Variants in CFAP47 observed in about 807,000 individuals in gnomAD.
The protein encoded by CFAP47 is cilia- and flagella-associated protein 47.
A neutral mutation model predicts 148.1 loss-of-function variants in CFAP47; 29 were observed. That is an observed-to-expected ratio of 0.20 (90% CI 0.15 to 0.27). The LOEUF is 0.27. CFAP47 is among the 10% of genes least tolerant of loss of function. CFAP47 has a pLI of 1.00. For synonymous variants in CFAP47, 664 were observed against 577.3 expected (o/e 1.15, Z -2.15); for missense variants, 1,872 against 1,697.5 (o/e 1.10, Z -1.81).
At chrX:36,244,347 AC>A (rs2146916765) in intron 48 of CFAP47, among the ~76,000 whole-genome samples, 1 of 111,062 alleles carries the variant, frequency 9.0e-6, no homozygotes, top group Admixed American at 9.7e-5. Flanking sequence ...TAACAGACCA[AC>A]CCCAAAGCTA....
At chrX:36,328,429 A>G (rs1268064391) in intron 57 of CFAP47, among the ~76,000 whole-genome samples, 2 of 112,385 alleles carry the variant, frequency 1.8e-5, no homozygotes, top group Non-Finnish European at 3.8e-5. Flanking sequence ...ATGTCCCAAT[A>G]TGCTTTTTTG....
At chrX:36,061,176 G>A (rs772275260) in intron 26 of CFAP47, among the ~76,000 whole-genome samples, 2 of 110,823 alleles carry the variant, frequency 1.8e-5, no homozygotes, top group Admixed American at 9.7e-5. Flanking sequence ...CTCCTTCTCC[G>A]GCCGTGTAAG....
intron 37 of CFAP47, 150 bp from the exon 38 acceptor site, chrX:36,159,276 A>G: frequency 1.1e-5 from 3 of 284,536 alleles, no homozygotes; most frequent in Non-Finnish European, 1.9e-5. Flanking sequence ...ACCGATGACA[A>G]TAACTAGATT....
intron 53 of CFAP47, among the ~76,000 whole-genome samples, chrX:36,303,326 A>G (rs1183786988): frequency 9.0e-6 from 1 of 111,327 alleles, no homozygotes; most frequent in Non-Finnish European, 1.9e-5. Context: ...ATGTAGGACT[A>G]CAGGCAAGCT....
intron 46 of CFAP47, among the ~76,000 whole-genome samples, chrX:36,231,649 G>A (rs1940362180): frequency 9.0e-6 from 1 of 111,004 alleles, no homozygotes; most frequent in Admixed American, 9.6e-5. Flanking sequence ...CCATCACTAT[G>A]TTGAATAGGA....
At position 35,975,329 on chromosome X, in the gene CFAP47, G is replaced by C. The variant is rs748832987; in HGVS notation, c.2437G>C (p.Val813Leu). ...TACATCCAGTACTTATATTTCAATGGTATTTGACTCTCCCACCATTGGAAA... is the reference window on the plus strand; with the variant it reads ...TACATCCAGTACTTATATTTCAATGCTATTTGACTCTCCCACCATTGGAAA... ...LPTSSTYISMVFDSPTIGKFW... is the reference protein window; with the variant it reads ...LPTSSTYISMLFDSPTIGKFW... The change falls in exon 14 of 64, where the codon GTA (valine) becomes CTA (leucine). Residue 813 changes from valine to leucine, a missense_variant. Physicochemically the swap from Val to Leu is conservative, Grantham distance 32. Coordinates refer to ENST00000378653, the MANE Select transcript of CFAP47 (RefSeq NM_001304548.2). 1.7e-6 allele frequency: 2 copies of C among 1,196,020 alleles called. No homozygotes were observed. The highest frequency in any genetic ancestry group is 1.8e-5 in the African/African-American group (1 of 56,489).
intron 33 of CFAP47, 105 bp from the exon 34 acceptor site, chrX:36,137,853 C>T: frequency 2.7e-6 from 1 of 367,876 alleles, no homozygotes; most frequent in Non-Finnish European, 4.7e-6. Context: ...TTTTTGTTTC[C>T]CAAGCAGAAG....
At chrX:35,924,534 T>C (rs1216045322) in intron 1 of CFAP47, among the ~76,000 whole-genome samples, 1 of 105,096 alleles carries the variant, frequency 9.5e-6, no homozygotes, top group Non-Finnish European at 2.0e-5. Flanking sequence ...TATGCACATA[T>C]ATGTGCACCT....
At chrX:36,202,282 C>T (rs915679812) in intron 44 of CFAP47, among the ~76,000 whole-genome samples, 1 of 111,427 alleles carries the variant, frequency 9.0e-6, no homozygotes, top group African/African-American at 3.3e-5. Flanking sequence ...TAAACGCAAG[C>T]CTGCTCATGT....
At chrX:36,201,722 C>T (rs1351923354) in intron 44 of CFAP47, among the ~76,000 whole-genome samples, 2 of 111,618 alleles carry the variant, frequency 1.8e-5, no homozygotes, top group African/African-American at 6.5e-5. Context: ...TAAGGCATTA[C>T]AGTGTAGTCA....
rs782750722 is a variant in CFAP47, at chrX:36,273,382, T to A, written c.7445-7105T>A. ...AAAACTTGTGCTATTAAAAACATAATGGGTTTAATTGCTATTCCTATTAGA... is the reference window on the plus strand; with the variant it reads ...AAAACTTGTGCTATTAAAAACATAAAGGGTTTAATTGCTATTCCTATTAGA... On this transcript the variant is annotated intron_variant, in intron 49 of 63. Transcript: ENST00000378653. Among the ~76,000 whole-genome samples, 17 of 111,701 alleles carry A rather than the reference T, an allele frequency of 1.5e-4. No individual in the cohort carries two copies. The East Asian group carries it at 4.5e-3, about 30-fold the overall frequency.
At chrX:36,300,332 C>T (rs1569312281) in intron 52 of CFAP47, among the ~76,000 whole-genome samples, 1 of 108,701 alleles carries the variant, frequency 9.2e-6, no homozygotes, top group African/African-American at 3.4e-5. Flanking sequence ...CTCTGTCACC[C>T]ACGCTAGAGT....
intron 63 of CFAP47, among the ~76,000 whole-genome samples, chrX:36,381,444 A>C (rs1942077077): frequency 8.9e-6 from 1 of 112,338 alleles, no homozygotes; most frequent in Admixed American, 9.5e-5. Flanking sequence ...CAACTATATT[A>C]TCTTCATTTT....
chrX:36,067,815 A>C (rs1478208582), intron 27 of CFAP47, among the ~76,000 whole-genome samples: 1 of 109,127 alleles, frequency 9.2e-6, no homozygotes, highest in Non-Finnish European at 1.9e-5. Context: ...GGTGCCCGCC[A>C]CCATGGCCGG....
intron 46 of CFAP47, among the ~76,000 whole-genome samples, chrX:36,231,983 G>A (rs1338437081): frequency 1.7e-4 from 19 of 111,273 alleles, no homozygotes; most frequent in South Asian, 7.7e-4. Flanking sequence ...ATGGTGGATA[G>A]GCTTTTTGAT....
chrX:35,924,334 T>C lies in CFAP47; in HGVS notation c.250-1683T>C, dbSNP rs187945436. Among the ~76,000 whole-genome samples the C allele has an allele frequency of 6.6e-5, 7 of 106,726 alleles. No individual in the cohort carries two copies. The East Asian group carries it at 2.1e-3, about 31-fold the overall frequency. The allele number at this position is 106,726 out of a possible 115,157, so 92.7% of individuals were successfully genotyped here. A position where few individuals can be genotyped will look rare whatever the true frequency, so the allele number is the denominator to read the frequency against. The stretch of plus-strand genomic sequence containing the variant: ...ATATGTACATGTATGTGTATATGTG[T>C]ACATATATGTGTGCATATGTGTATA... On this transcript the variant is annotated intron_variant, in intron 1 of 63. Transcript: ENST00000378653.
intron 50 of CFAP47, among the ~76,000 whole-genome samples, chrX:36,283,127 C>T (rs1337171854): frequency 9.0e-6 from 1 of 110,949 alleles, no homozygotes; most frequent in Non-Finnish European, 1.9e-5. Context: ...GAATTTTGTA[C>T]AAATATATTA....
At chrX:36,378,467 C>A (rs782118440) in intron 62 of CFAP47, among the ~76,000 whole-genome samples, 1 of 112,417 alleles carries the variant, frequency 8.9e-6, no homozygotes, top group South Asian at 3.7e-4. Context: ...GATTAATTTA[C>A]AAATGCCTAA....
At chrX:36,352,768 CACA>C (rs1249611659) in intron 59 of CFAP47, among the ~76,000 whole-genome samples, 8 of 109,833 alleles carry the variant, frequency 7.3e-5, no homozygotes, top group African/African-American at 2.6e-4. Flanking sequence ...TTTGATTTCT[CACA>C]ACATTGCTGA....
Sources: allele counts gnomAD v4.1 joint callset (sites outside exome capture counted in the v4.1 genomes callset), GRCh38; gene constraint gnomAD v4.1.1; transcripts MANE v1.5; gene names NCBI Gene and HGNC (gene_info 2026-07-23, HGNC 2026-07-21).